Variants in NFATC1 observed in about 807,000 individuals in gnomAD.
The protein encoded by NFATC1 is nuclear factor of activated T cells 1, also known as nuclear factor of activated T-cells, cytoplasmic 1.
A neutral mutation model predicts 76.0 loss-of-function variants in NFATC1; 22 were observed. The ratio of observed to expected loss-of-function variants is 0.29; its 90% CI spans 0.21 to 0.41. The LOEUF is 0.41. Among genes scored for constraint, NFATC1 ranks in the 10% least tolerant of loss-of-function variants. The pLI is 1.00. For synonymous variants in NFATC1, 704 were observed against 613.1 expected, an observed-to-expected ratio of 1.15 and a Z score of -2.19; for missense variants, 1,357 against 1,337.7, an observed-to-expected ratio of 1.01 and a Z score of -0.23.
intron 8 of NFATC1, among the ~76,000 whole-genome samples, chr18:79,484,569 G>C (rs143594615): frequency 6.6e-6 from 1 of 152,188 alleles, no homozygotes; most frequent in African/African-American, 2.4e-5. Context: ...TTTAAACCTC[G>C]ATCTTTCTAC....
At chr18:79,433,786 A>T (rs1377221182) in intron 3 of NFATC1, 48 bp downstream of exon 3, 1 of 1,580,002 alleles carries the variant, frequency 6.3e-7, no homozygotes, top group Non-Finnish European at 8.6e-7. Context: ...TTTTGTGGTC[A>T]AAAAGTAACT....
chr18:79,465,880 C>G lies in NFATC1; in HGVS notation c.1960-1570C>G, dbSNP rs1055017581. On this transcript the variant is annotated intron_variant, in intron 7 of 9. Coordinates refer to ENST00000427363, the MANE Select transcript of NFATC1 (RefSeq NM_001278669.2). This position sits in a 1 kb window ranked among gnomAD's most constrained non-coding sequence, Gnocchi z 4.2. ...CAGACCCACAGTGCTCTGGGGGCAG[C>G]CCAGGCCCCGCCCACTGACAGCACT... Among the ~76,000 whole-genome samples the G allele has an allele frequency of 6.6e-5, 10 of 152,244 alleles. No homozygotes were observed. Among genetic ancestry groups the G allele is most frequent in the African/African-American group, 2.2e-4 (9 of 41,474 alleles).
intron 3 of NFATC1, among the ~76,000 whole-genome samples, 184 bp downstream of exon 3, chr18:79,433,922 G>C (rs1043991452): frequency 6.6e-6 from 1 of 152,250 alleles, no homozygotes; most frequent in Non-Finnish European, 1.5e-5. Context: ...AGCTCCTCCT[G>C]CTTCCACACG....
In NFATC1 at chr18:79,433,582, G is replaced by C. The variant is rs759299734; in HGVS notation, c.1230G>C (p.Pro410=). ...CCTCTGCTCTGTTCCCTTCCAGCCC[G>C]ACCCTGCCCGCCCTGGACTGGCAGC... ...KPLSPTSYMS[P]TLPALDWQLP... Residue 410 remains proline (P), a synonymous_variant, in exon 3 of 10, where the codon CCG becomes CCC. Coordinates refer to ENST00000427363, the MANE Select transcript of NFATC1 (RefSeq NM_001278669.2). The C allele has an allele frequency of 3.1e-6, 5 of 1,612,916 alleles. No individual in the cohort carries two copies. The highest frequency in any genetic ancestry group is 3.4e-6 in the Non-Finnish European group (4 of 1,179,898).
intron 9 of NFATC1, among the ~76,000 whole-genome samples, chr18:79,512,621 G>A (rs755248435): frequency 5.3e-5 from 8 of 152,146 alleles, no homozygotes; most frequent in Non-Finnish European, 7.4e-5. Context: ...GCTGAGCTGC[G>A]GTCTCTCCAG....
At chr18:79,454,860 C>T (rs1295633363) in intron 6 of NFATC1, among the ~76,000 whole-genome samples, 3 of 152,114 alleles carry the variant, frequency 2.0e-5, no homozygotes, top group Non-Finnish European at 4.4e-5. Flanking sequence ...GAACCACACC[C>T]CTCTCCCACC....
intron 9 of NFATC1, among the ~76,000 whole-genome samples, chr18:79,515,216 G>A (rs553569337): frequency 6.6e-6 from 1 of 151,648 alleles, no homozygotes; most frequent in African/African-American, 2.4e-5. Flanking sequence ...GTGGTGGCAG[G>A]TTCCTGTAAT....
chr18:79,495,829 T>C (rs1050257172), intron 9 of NFATC1, among the ~76,000 whole-genome samples: 2 of 152,176 alleles, frequency 1.3e-5, no homozygotes, highest in Non-Finnish European at 2.9e-5. Context: ...GGTGTGTCAC[T>C]GTAACACAGG....
chr18:79,425,598 G>A (rs910367624), intron 2 of NFATC1, among the ~76,000 whole-genome samples: 3 of 152,236 alleles, frequency 2.0e-5, no homozygotes, highest in Non-Finnish European at 4.4e-5. Context: ...CTTAAACAAA[G>A]GAACTGCCTC....
At chr18:79,492,648 G>A (rs2089714540) in intron 9 of NFATC1, among the ~76,000 whole-genome samples, 9 of 151,668 alleles carry the variant, frequency 5.9e-5, no homozygotes, top group Admixed American at 5.9e-4. Context: ...GGCGGAGCTT[G>A]CAGAGAGCTG....
intron 3 of NFATC1, among the ~76,000 whole-genome samples, chr18:79,443,715 G>A (rs991581646): frequency 7.9e-5 from 12 of 152,220 alleles, no homozygotes; most frequent in Non-Finnish European, 1.6e-4. Context: ...GGCATCTGTG[G>A]GAGGGCAGGT....
At chr18:79,506,874 A>C (rs957996133) in intron 9 of NFATC1, among the ~76,000 whole-genome samples, 1 of 152,210 alleles carries the variant, frequency 6.6e-6, no homozygotes, top group African/African-American at 2.4e-5. Context: ...TTTAATTCTG[A>C]AACAGGGTTC....
intron 6 of NFATC1, among the ~76,000 whole-genome samples, chr18:79,455,761 CCCACGGCCGCCCCA>C (rs1362937550): frequency 2.1e-3 from 21 of 10,196 alleles, no homozygotes; most frequent in Admixed American, 0.018. Flanking sequence ...GCCGCCCCAT[CCCACGGCCGCCCCA>C]TCCCACGGCC....
chr18:79,497,514 C>A (rs756111170), intron 9 of NFATC1: 1 of 152,334 alleles, frequency 6.6e-6, no homozygotes, highest in Admixed American at 6.5e-5. Context: ...TTCCGAGGCA[C>A]AATCACCGTT....
At chr18:79,495,013 G>A (rs1166458788) in intron 9 of NFATC1, among the ~76,000 whole-genome samples, 1 of 152,268 alleles carries the variant, frequency 6.6e-6, no homozygotes, top group Non-Finnish European at 1.5e-5. Flanking sequence ...GGGTGAGCAT[G>A]GAGCCCATGG....
chr18:79,442,214 G>A (rs926514363), intron 3 of NFATC1, among the ~76,000 whole-genome samples: 7 of 152,326 alleles, frequency 4.6e-5, no homozygotes, highest in Middle Eastern at 3.4e-3. Context: ...CTGCTCTTCC[G>A]GAGAGACGTG....
At chr18:79,426,919 A>G (rs1170315080) in intron 2 of NFATC1, among the ~76,000 whole-genome samples, 1 of 152,194 alleles carries the variant, frequency 6.6e-6, no homozygotes, top group African/African-American at 2.4e-5. Context: ...TTAACTCTCC[A>G]GACTCATCAG....
intron 2 of NFATC1, among the ~76,000 whole-genome samples, chr18:79,427,922 CTGTG>C (rs2086450353): frequency 9.8e-6 from 1 of 102,326 alleles, no homozygotes; most frequent in Non-Finnish European, 1.8e-5. Context: ...CAGCTGGCCT[CTGTG>C]TGGTGGCAGG....
At chr18:79,409,266 C>A in intron 1 of NFATC1, among the ~76,000 whole-genome samples, 1 of 141,564 alleles carries the variant, frequency 7.1e-6, no homozygotes, top group African/African-American at 2.5e-5. Context: ...CCTATCCATC[C>A]ATCTATCATC....
Sources: allele counts gnomAD v4.1 joint callset (sites outside exome capture counted in the v4.1 genomes callset), GRCh38; gene constraint gnomAD v4.1.1; non-coding constraint Gnocchi (gnomAD v3.1); transcripts MANE v1.5; gene names NCBI Gene and HGNC (gene_info 2026-07-23, HGNC 2026-07-21).